The following PKIB variants were observed in gnomAD, a reference collection of about 807,000 sequenced individuals.
PKIB encodes the protein cAMP-dependent protein kinase inhibitor beta.
PKIB carries 2 observed loss-of-function variants against 4.5 expected under a neutral mutation model. The observed-to-expected ratio is 0.44, with a 90% CI of 0.18 to 1.39. The LOEUF (loss-of-function observed/expected upper bound fraction) is 1.39. Among genes scored for constraint, PKIB ranks in the 40% most tolerant of loss-of-function variants. The pLI is 0.27. For synonymous variants in PKIB, 38 were observed against 36.0 expected (o/e 1.06, Z -0.20); for missense variants, 94 against 92.6 (o/e 1.02, Z -0.06).
intron 2 of PKIB, among the ~76,000 whole-genome samples, chr6:122,575,160 G>T (rs536164450): frequency 2.2e-4 from 34 of 152,190 alleles, no homozygotes; most frequent in Admixed American, 4.6e-4. Context: ...GCTCACCATT[G>T]CTAATCATCA....
At chr6:122,523,268 A>C (rs1304444803) in intron 2 of PKIB, among the ~76,000 whole-genome samples, 3 of 152,092 alleles carry the variant, frequency 2.0e-5, no homozygotes, top group African/African-American at 7.2e-5. Flanking sequence ...TTTGTCCTTC[A>C]TTCTGTTAAT....
Position 122,540,435 on chromosome 6 carries a change from G to T in PKIB, c.-247-45486G>T, listed in dbSNP as rs1192568591. 1.5e-4 allele frequency among the ~76,000 whole-genome samples: 23 copies of T among 151,822 alleles called. 1 individual carries two copies. The highest frequency in any genetic ancestry group is 2.2e-4 in the African/African-American group (9 of 41,240). ...CTTTATTTCTGCCTTCATTTCATTA[G>T]GTACCCAGTAGTCATACAGGAGCAG... On this transcript the variant is annotated intron_variant, in intron 2 of 6. Transcript: ENST00000392491.
chr6:122,693,522 A>G (rs557648495), intron 3 of PKIB, among the ~76,000 whole-genome samples: 3 of 152,238 alleles, frequency 2.0e-5, no homozygotes, highest in Non-Finnish European at 4.4e-5. Context: ...AACTGGCAGG[A>G]TGACTTGAAA....
At chr6:122,615,196 G>GA (rs397735179) in intron 1 of PKIB, among the ~76,000 whole-genome samples, 8 of 115,824 alleles carry the variant, frequency 6.9e-5, no homozygotes, top group African/African-American at 1.9e-4. Flanking sequence ...GTAGTGAAAA[G>GA]AAAAAAAAAA....
chr6:122,575,516 T>A (rs956136541), intron 2 of PKIB, among the ~76,000 whole-genome samples: 5 of 151,898 alleles, frequency 3.3e-5, no homozygotes, highest in African/African-American at 1.2e-4. Flanking sequence ...TAAACCAACC[T>A]AAGCGCCCAT....
At chr6:122,527,580 A>G (rs1777131301) in intron 2 of PKIB, among the ~76,000 whole-genome samples, 1 of 152,220 alleles carries the variant, frequency 6.6e-6, no homozygotes, top group Non-Finnish European at 1.5e-5. Context: ...TCAGCAGAGC[A>G]GTCAGAACAT....
At chr6:122,688,138 T>A (rs1302010944) in intron 3 of PKIB, among the ~76,000 whole-genome samples, 2 of 152,146 alleles carry the variant, frequency 1.3e-5, no homozygotes, top group Non-Finnish European at 2.9e-5. Context: ...TTTGTATCTG[T>A]TTTTCGAGGG....
At chr6:122,539,810 C>G (rs1337177778) in intron 2 of PKIB, among the ~76,000 whole-genome samples, 9 of 151,922 alleles carry the variant, frequency 5.9e-5, no homozygotes, top group Non-Finnish European at 1.2e-4. Context: ...CCATCTGGTC[C>G]TGGACTTTTT....
intron 3 of PKIB, among the ~76,000 whole-genome samples, chr6:122,688,686 T>C (rs1778190239): frequency 6.6e-6 from 1 of 152,122 alleles, no homozygotes; most frequent in Non-Finnish European, 1.5e-5. Flanking sequence ...CTTGATAGAT[T>C]GTATGATAGA....
intron 3 of PKIB, among the ~76,000 whole-genome samples, chr6:122,586,460 A>G (rs947358181): frequency 1.3e-5 from 2 of 152,098 alleles, no homozygotes; most frequent in Non-Finnish European, 2.9e-5. Flanking sequence ...TTGTCCTCAT[A>G]TAGTCCTTTT....
At chr6:122,659,261 A>C (rs1032549850) in intron 2 of PKIB, among the ~76,000 whole-genome samples, 1 of 152,194 alleles carries the variant, frequency 6.6e-6, no homozygotes, top group African/African-American at 2.4e-5. Context: ...TGTATTTTTA[A>C]ATGTCTACAT....
At chr6:122,667,043 C>T (rs1238073288) in intron 2 of PKIB, among the ~76,000 whole-genome samples, 1 of 152,096 alleles carries the variant, frequency 6.6e-6, no homozygotes, top group African/African-American at 2.4e-5. Context: ...TGCTCCCTTT[C>T]CTCCCAGTGA....
chr6:122,665,653 G>T (rs777884166), intron 2 of PKIB, among the ~76,000 whole-genome samples: 9 of 151,936 alleles, frequency 5.9e-5, no homozygotes, highest in Non-Finnish European at 1.0e-4. Flanking sequence ...GGAAACAGAC[G>T]TTAGGGAAAG....
At chr6:122,713,221 T>C (rs1779342146) in intron 3 of PKIB, among the ~76,000 whole-genome samples, 1 of 152,154 alleles carries the variant, frequency 6.6e-6, no homozygotes, top group Non-Finnish European at 1.5e-5. Context: ...GCAAGGACTT[T>C]TGTGAAATCT....
intron 2 of PKIB, chr6:122,482,811 C>T (rs9401548): frequency 0.13 from 20,389 of 152,008 alleles, 1,481 homozygotes; most frequent in East Asian, 0.26. Context: ...GCTCTCCCAG[C>T]GTGCTGGGAT....
intron 2 of PKIB, among the ~76,000 whole-genome samples, chr6:122,522,466 C>A (rs1476708420): frequency 2.6e-5 from 4 of 152,012 alleles, no homozygotes; most frequent in Non-Finnish European, 5.9e-5. Flanking sequence ...CAAAAAACAA[C>A]AAAAAAACTC....
chr6:122,675,191 G>A (rs1777623965), intron 3 of PKIB, 47 bp downstream of exon 3: 1 of 152,426 alleles, frequency 6.6e-6, no homozygotes, highest in African/African-American at 2.4e-5. Context: ...TGTTGATTTT[G>A]TGAAAGAAAT....
chr6:122,674,492 C>T (rs1169289077), intron 2 of PKIB, among the ~76,000 whole-genome samples: 1 of 152,116 alleles, frequency 6.6e-6, no homozygotes, highest in Non-Finnish European at 1.5e-5. Flanking sequence ...ATGCTAAGTC[C>T]TGAAATATAA....
At chr6:122,473,282 C>T (rs1458641386) in intron 1 of PKIB, among the ~76,000 whole-genome samples, 1 of 152,110 alleles carries the variant, frequency 6.6e-6, no homozygotes, top group Non-Finnish European at 1.5e-5. Context: ...ACTTTAAGGT[C>T]GTAAAGAATA....
Sources: gnomAD v4.1 joint callset for allele counts (sites outside exome capture counted in the v4.1 genomes callset) on GRCh38, gnomAD v4.1.1 for gene constraint, MANE v1.5 for transcripts, NCBI Gene and HGNC (gene_info 2026-07-23, HGNC 2026-07-21) for gene names.